The following CHLSN variants were observed in gnomAD, a reference collection of about 807,000 sequenced individuals.
The protein encoded by CHLSN is protein cholesin.
At chr7:1,118,254 G>A in the CHLSN span, among the ~76,000 whole-genome samples, 37 of 152,286 alleles carry the variant, frequency 2.4e-4, no homozygotes, top group East Asian at 5.2e-3. Context: ...AGTCCTAGCC[G>A]TTGCTAGAAG....
chr7:1,021,345 G>T, the CHLSN span: 108 of 982,590 alleles, frequency 1.1e-4, no homozygotes, highest in Non-Finnish European at 1.2e-4. Flanking sequence ...TTTTCATCGT[G>T]GCAGTAGGAC....
the CHLSN span, chr7:985,270 C>T: frequency 6.4e-7 from 1 of 1,551,830 alleles, no homozygotes; most frequent in South Asian, 1.2e-5. Flanking sequence ...GTTTGTGTCC[C>T]TGCTGGGTCT....
the CHLSN span, among the ~76,000 whole-genome samples, chr7:1,046,619 C>T: frequency 3.1e-4 from 47 of 152,240 alleles, no homozygotes; most frequent in African/African-American, 9.9e-4. Context: ...AGATGCTGCC[C>T]GGGACCAGAA....
chr7:990,514 C>T, the CHLSN span, among the ~76,000 whole-genome samples: 1 of 152,118 alleles, frequency 6.6e-6, no homozygotes. Context: ...CCCACCTGCG[C>T]CACGTGAAGC....
At chr7:990,513 G>A in the CHLSN span, among the ~76,000 whole-genome samples, 5 of 152,022 alleles carry the variant, frequency 3.3e-5, no homozygotes, top group East Asian at 3.9e-4. Flanking sequence ...TCCCACCTGC[G>A]CCACGTGAAG....
At chr7:1,026,402 C>G in the CHLSN span, 8 of 152,230 alleles carry the variant, frequency 5.3e-5, no homozygotes, top group Non-Finnish European at 1.0e-4. Flanking sequence ...AGAGGCTGTG[C>G]TGCAGCTCCC....
chr7:1,063,103 A>G, the CHLSN span, among the ~76,000 whole-genome samples: 1 of 152,094 alleles, frequency 6.6e-6, no homozygotes, highest in Admixed American at 6.6e-5. Context: ...GTCTTCTGGC[A>G]TCGCTCACAG....
chr7:1,127,391 A>G, the CHLSN span: 3 of 1,599,176 alleles, frequency 1.9e-6, no homozygotes, highest in Admixed American at 1.7e-5. Flanking sequence ...GCCATCCTGC[A>G]ACAGAGAAAG....
At chr7:1,118,656 A>G in the CHLSN span, among the ~76,000 whole-genome samples, 3 of 152,154 alleles carry the variant, frequency 2.0e-5, no homozygotes, top group African/African-American at 7.2e-5. Flanking sequence ...GTCCAAAAAA[A>G]CAATGAAGAA....
At chr7:1,048,631 T>C in the CHLSN span, among the ~76,000 whole-genome samples, 1 of 152,172 alleles carries the variant, frequency 6.6e-6, no homozygotes, top group Non-Finnish European at 1.5e-5. Flanking sequence ...AGACATTCAT[T>C]ATTAACAGAC....
At chr7:1,000,554 A>C in the CHLSN span, 276 of 1,602,034 alleles carry the variant, frequency 1.7e-4, no homozygotes, top group Middle Eastern at 3.3e-4. Context: ...GGGCCCATCT[A>C]GGGAAAGAAA....
At chr7:1,092,505 C>T in the CHLSN span, 5 of 1,607,968 alleles carry the variant, frequency 3.1e-6, no homozygotes, top group Non-Finnish European at 4.2e-6. Context: ...AGGCGCTCCG[C>T]ATGATCCTCG....
chr7:1,028,191 G>T, the CHLSN span: 1 of 979,264 alleles, frequency 1.0e-6, no homozygotes, highest in Non-Finnish European at 1.2e-6. Flanking sequence ...GCGGGGCGGG[G>T]CTGGGGCAGG....
At chr7:1,043,769 G>T in the CHLSN span, 1 of 152,296 alleles carries the variant, frequency 6.6e-6, no homozygotes, top group South Asian at 2.1e-4. Flanking sequence ...CCTGAACACA[G>T]TAGGCCACAG....
At chr7:1,000,428 C>T in the CHLSN span, 3 of 1,215,092 alleles carry the variant, frequency 2.5e-6, no homozygotes, top group African/African-American at 3.3e-5. Context: ...CGTGCACAGA[C>T]CTCAGCCCCC....
the CHLSN span, among the ~76,000 whole-genome samples, chr7:982,224 G>A: frequency 0.099 from 15,092 of 152,256 alleles, 766 homozygotes; most frequent in African/African-American, 0.14. Flanking sequence ...CACAGGAGGC[G>A]TGCAACTGTG....
the CHLSN span, among the ~76,000 whole-genome samples, chr7:1,037,335 G>A: frequency 2.9e-5 from 4 of 136,004 alleles, 1 homozygote; most frequent in African/African-American, 1.1e-4. Context: ...CTGCCATCTC[G>A]GCTCACTGCA....
At chr7:1,072,711 T>G in the CHLSN span, among the ~76,000 whole-genome samples, 3 of 137,670 alleles carry the variant, frequency 2.2e-5, no homozygotes, top group Non-Finnish European at 4.6e-5. Context: ...AGATGGAGTC[T>G]CGCTCCATCG....
At chr7:1,076,414 G>A in the CHLSN span, among the ~76,000 whole-genome samples, 1 of 152,208 alleles carries the variant, frequency 6.6e-6, no homozygotes, top group East Asian at 1.9e-4. Context: ...AGGCTGGGGA[G>A]CACCTCCCTC....
Sources: gnomAD v4.1 joint callset for allele counts (sites outside exome capture counted in the v4.1 genomes callset) on GRCh38, gnomAD v4.1.1 for gene constraint, MANE v1.5 for transcripts, NCBI Gene and HGNC (gene_info 2026-07-23, HGNC 2026-07-21) for gene names.